The following FCSK variants were observed in gnomAD, a reference collection of about 807,000 sequenced individuals.
FCSK encodes fucose kinase, also known as L-fucose kinase.
In FCSK, 123 loss-of-function variants were observed where a neutral mutation model predicts 122.5. The observed-to-expected ratio is 1.00, with a 90% CI of 0.87 to 1.17. The LOEUF (loss-of-function observed/expected upper bound fraction) is 1.17. FCSK is among the 50% of genes most tolerant of loss of function. The pLI is 0.00. For missense variants in FCSK, 1,366 were observed against 1,450.4 expected (o/e 0.94, Z 0.95); for synonymous variants, 620 against 625.5 (o/e 0.99, Z 0.13).
chr16:70,464,978 T>C lies in FCSK; in HGVS notation c.235-148T>C. On this transcript the variant is annotated intron_variant, in intron 3 of 23. Transcript: ENST00000288078. ...CAGGAGGGACCAGGGCTGCCCCTTGTCTGCCTGTGGCCATTGGTTTGACCT... is the reference window on the plus strand; with the variant it reads ...CAGGAGGGACCAGGGCTGCCCCTTGCCTGCCTGTGGCCATTGGTTTGACCT... 3.3e-6 allele frequency: 5 copies of C among 1,535,924 alleles called. No individual in the cohort carries two copies. The South Asian group carries it at 6.0e-5, about 18-fold the overall frequency.
rs764616293 is a variant in FCSK at position 70,478,546 on chromosome 16, C to T, written c.2830-5C>T. 40 of 1,613,410 alleles carry T rather than the reference C, an allele frequency of 2.5e-5. No individual in the cohort carries two copies. Among genetic ancestry groups the T allele is most frequent in the Non-Finnish European group, 3.1e-5 (37 of 1,179,876 alleles). On this transcript the variant is annotated splice_polypyrimidine_tract_variant and splice_region_variant and intron_variant, in intron 21 of 23. Coordinates refer to ENST00000288078, the MANE Select transcript of FCSK (RefSeq NM_145059.3). ...TCACCACCCCTTCTCCTGCCCCGTC[C>T]GCAGGATGTGCTGAGGAGCTGGTAT...
chr16:70,467,834 T>A, intron 7 of FCSK, 52 bp from the exon 8 acceptor site: 1 of 1,518,902 alleles, frequency 6.6e-7, no homozygotes, highest in Non-Finnish European at 9.1e-7. Flanking sequence ...TGTGGCCTCC[T>A]TCCAGATCCC....
chr16:70,459,832 G>C (rs1193030289), intron 1 of FCSK, among the ~76,000 whole-genome samples: 1 of 148,438 alleles, frequency 6.7e-6, no homozygotes, highest in Non-Finnish European at 1.5e-5. Context: ...ATAGATTTTT[G>C]CTCTTCTTGC....
At chr16:70,459,795 G>T (rs141065580) in intron 1 of FCSK, among the ~76,000 whole-genome samples, 10 of 145,244 alleles carry the variant, frequency 6.9e-5, no homozygotes, top group African/African-American at 2.8e-4. Flanking sequence ...ACACCCAGCA[G>T]TTTCTTCATC....
At chr16:70,454,983 GC>G (rs1020703254) in intron 1 of FCSK, 1 of 152,190 alleles carries the variant, frequency 6.6e-6, no homozygotes, top group African/African-American at 2.4e-5. Flanking sequence ...TTACTTTGAG[GC>G]CGCTTCTCCT....
intron 1 of FCSK, among the ~76,000 whole-genome samples, chr16:70,460,094 C>T (rs528900710): frequency 4.1e-5 from 6 of 147,822 alleles, no homozygotes; most frequent in African/African-American, 1.0e-4. Flanking sequence ...CCGCCAACCA[C>T]GTCTAGCCTC....
chr16:70,458,459 C>T (rs1196325104), intron 1 of FCSK, among the ~76,000 whole-genome samples: 1 of 149,580 alleles, frequency 6.7e-6, no homozygotes, highest in East Asian at 2.0e-4. Context: ...CATGCCCGGC[C>T]TATTAATTTT....
Position 70,474,864 on chromosome 16 carries a change from G to A in FCSK, c.2230G>A (p.Gly744Ser), listed in dbSNP as rs969881282. The A allele has an allele frequency of 9.4e-6, 15 of 1,597,606 alleles. No homozygotes were observed. The highest frequency in any genetic ancestry group is 1.7e-5 in the Admixed American group (1 of 58,018). ...GCTGGGCCTGGCTGTGCGAGTGGAC[G>A]GCCGCCGGCCCATCGGAGCCAGGGC... ...AVLGLAVRVD[G>S]RRPIGARARR... Residue 744 changes from glycine (G) to serine (S), a missense_variant, in exon 18 of 24, where the codon GGC becomes AGC. By Grantham distance (56) the Gly-to-Ser change is moderately conservative. Transcript: ENST00000288078.
intron 4 of FCSK, 93 bp from the exon 5 acceptor site, chr16:70,466,039 G>A: frequency 7.7e-7 from 1 of 1,297,052 alleles, no homozygotes. Flanking sequence ...TTTTTTATCA[G>A]CCCTCCACTG....
At chr16:70,457,846 C>G (rs1201513894) in intron 1 of FCSK, 1 of 151,050 alleles carries the variant, frequency 6.6e-6, no homozygotes, top group Admixed American at 6.6e-5. Context: ...ATCCGCCTGT[C>G]TTGGCCTCCC....
Position 70,475,650 on chromosome 16 carries a change from A to G in FCSK, c.2524A>G (p.Thr842Ala). Residue 842 changes from threonine (T) to alanine (A), a missense_variant and splice_region_variant, in exon 20 of 24, where the codon ACC becomes GCC. Transcript: ENST00000288078. ...SELPHGSGLG[T>A]SSILAGTALA... The stretch of plus-strand genomic sequence containing the variant: ...GCTCTCTCCTCTCCGCCCTGCAGGC[A>G]CCAGCAGCATCCTGGCAGGCACTGC... 6.3e-7 allele frequency: 1 copy of G among 1,594,694 alleles called. No individual in the cohort carries two copies. The highest frequency in any genetic ancestry group is 8.6e-7 in the Non-Finnish European group (1 of 1,168,920).
At chr16:70,466,510 C>A in intron 5 of FCSK, 2 of 504,722 alleles carry the variant, frequency 4.0e-6, no homozygotes, top group South Asian at 2.7e-5. Context: ...CTGGGCAACA[C>A]AGCAAGACCC....
chr16:70,463,633 G>A lies in FCSK; in HGVS notation c.93G>A (p.Val31=), dbSNP rs2048331511. The change falls in exon 3 of 24, where the codon GTG becomes GTA. Residue 31 remains valine (V), a synonymous_variant. Transcript: ENST00000288078. ...SVQVFQRELE[V]RQKREQIPAG... is the part of the protein sequence containing the mutation. ...CTCTTCTGACCCTAGAACTGGAAGTGCGGCAGAAGCGGGAGCAGATCCCTG... is the reference window on the plus strand; with the variant it reads ...CTCTTCTGACCCTAGAACTGGAAGTACGGCAGAAGCGGGAGCAGATCCCTG... 2 of 1,613,594 alleles carry A rather than the reference G, an allele frequency of 1.2e-6. No individual in the cohort carries two copies. The highest frequency in any genetic ancestry group is 1.7e-6 in the Non-Finnish European group (2 of 1,180,024).
intron 1 of FCSK, among the ~76,000 whole-genome samples, chr16:70,455,479 C>T (rs1444772537): frequency 2.0e-5 from 3 of 149,116 alleles, no homozygotes; most frequent in Admixed American, 6.8e-5. Context: ...AGCGAGACTA[C>T]GTCTCAAAAA....
Position 70,467,480 on chromosome 16 carries a change from C to T in FCSK, c.582+9C>T. ...ACCTAACTGACCCCCAGGTAGTGCC[C>T]CTGGGGACAGTGGAGCCGGCTGGGG... On this transcript the variant is annotated intron_variant, in intron 7 of 23. Transcript: ENST00000288078. 6.3e-7 allele frequency: 1 copy of T among 1,581,886 alleles called. No homozygotes were observed. Among genetic ancestry groups the T allele is most frequent in the Non-Finnish European group, 8.6e-7 (1 of 1,164,388 alleles).
In FCSK at chr16:70,475,021, C is replaced by T; in HGVS notation, c.2377+10C>T. On this transcript the variant is annotated intron_variant, in intron 18 of 23. Transcript: ENST00000288078. ...CAGCCTCATGCCCCAGGTCAGGCAC[C>T]CTGGGACCTCTGCAGGTGGGGCTGG... 2 of 1,581,966 alleles carry T rather than the reference C, an allele frequency of 1.3e-6. No individual in the cohort carries two copies. Among genetic ancestry groups the T allele is most frequent in the Non-Finnish European group, 1.7e-6 (2 of 1,166,908 alleles).
chr16:70,468,894 C>T lies in FCSK; in HGVS notation c.709C>T (p.Leu237=). 1 of 1,614,060 alleles carries T rather than the reference C, an allele frequency of 6.2e-7. No individual in the cohort carries two copies. Among genetic ancestry groups the T allele is most frequent in the Non-Finnish European group, 8.5e-7 (1 of 1,179,992 alleles). ...CTCTGTGGAGACTGCCGAGCGCCTC[C>T]TAGCCACCCACGTGAGCCCGCCCCT... ...FFSVETAERL[L]ATHVSPPLDA... Residue 237 remains leucine, a synonymous_variant, in exon 9 of 24, where the codon CTA becomes TTA. Transcript: ENST00000288078.
chr16:70,458,147 T>C (rs2048149470), intron 1 of FCSK, among the ~76,000 whole-genome samples: 2 of 151,270 alleles, frequency 1.3e-5, no homozygotes, highest in Admixed American at 6.6e-5. Context: ...TATTAATTTT[T>C]TTTCTTTCTT....
intron 18 of FCSK, 103 bp from the exon 19 acceptor site, chr16:70,475,247 C>T (rs1054327521): frequency 7.2e-7 from 1 of 1,381,998 alleles, no homozygotes; most frequent in African/African-American, 1.4e-5. Context: ...GGGCTTTTGT[C>T]CCACCGGATG....
Sources: gnomAD v4.1 joint callset for allele counts (sites outside exome capture counted in the v4.1 genomes callset) on GRCh38, gnomAD v4.1.1 for gene constraint, MANE v1.5 for transcripts, NCBI Gene and HGNC (gene_info 2026-07-23, HGNC 2026-07-21) for gene names.